Variants in WRNIP1 observed in about 807,000 individuals in gnomAD.
WRNIP1 encodes the protein WRN helicase interacting protein 1, also known as ATPase WRNIP1.
Under a neutral mutation model 56.1 loss-of-function variants are expected in WRNIP1, and 41 were observed. That is an observed-to-expected ratio of 0.73 (90% CI 0.57 to 0.95). The LOEUF is 0.95. WRNIP1 is among the 40% of genes least tolerant of loss of function. WRNIP1 has a pLI of 0.00. For missense variants in WRNIP1, 1,170 were observed against 939.4 expected, an observed-to-expected ratio of 1.25 and a Z score of -3.21; for synonymous variants, 547 against 398.1, an observed-to-expected ratio of 1.37 and a Z score of -4.45.
chr6:2,782,271 G>A (rs1765579135), intron 4 of WRNIP1, among the ~76,000 whole-genome samples: 2 of 152,200 alleles, frequency 1.3e-5, no homozygotes, highest in Non-Finnish European at 1.5e-5. Flanking sequence ...CTTCACCAGG[G>A]GAGCCCTGCA....
Position 2,765,899 on chromosome 6 carries a change from G to A in WRNIP1, c.277G>A (p.Glu93Lys), listed in dbSNP as rs776217068. Residue 93 changes from glutamate to lysine, a missense_variant, in exon 1 of 7, where the codon GAG becomes AAG. Glu to Lys is a moderately conservative substitution (Grantham distance 56, BLOSUM62 1). Transcript: ENST00000380773. ...PATPTAAESS[E>K]GEGEEGDDGG... ...CACCCCGACGGCAGCCGAGAGCAGC[G>A]AGGGCGAGGGTGAGGAGGGCGACGA... The A allele has an allele frequency of 6.9e-7, 1 of 1,455,550 alleles. No homozygotes were observed. Among genetic ancestry groups the A allele is most frequent in the South Asian group, 1.3e-5 (1 of 76,030 alleles). The allele number at this position is 1,455,550 out of a possible 1,614,324, so 90.2% of individuals were successfully genotyped here.
intron 4 of WRNIP1, among the ~76,000 whole-genome samples, chr6:2,780,747 C>T (rs1360256337): frequency 6.6e-6 from 1 of 152,100 alleles, no homozygotes; most frequent in Non-Finnish European, 1.5e-5. Context: ...GCCGGGATCG[C>T]CATTGTTTCT....
At chr6:2,773,138 T>C (rs1208222431) in intron 3 of WRNIP1, 10 of 985,338 alleles carry the variant, frequency 1.0e-5, no homozygotes, top group Non-Finnish European at 1.2e-5. Flanking sequence ...CACAGTATAC[T>C]CATGTAAGTG....
chr6:2,785,011 T>C lies in WRNIP1; in HGVS notation c.1727T>C (p.Leu576Pro). 5.0e-6 allele frequency: 8 copies of C among 1,614,034 alleles called. No homozygotes were observed. Among genetic ancestry groups the C allele is most frequent in the Non-Finnish European group, 4.2e-6 (5 of 1,179,972 alleles). ...HFIGMPECEV[L>P]LAQCVVYFAR... ...TGTCCTCTGTGTCATTGGTAGGTGCTTCTGGCCCAGTGTGTGGTCTACTTT... is the reference window on the plus strand; with the variant it reads ...TGTCCTCTGTGTCATTGGTAGGTGCCTCTGGCCCAGTGTGTGGTCTACTTT... The change falls in exon 7 of 7, where the codon CTT becomes CCT. Residue 576 changes from leucine to proline, a missense_variant. Leu to Pro is a moderately conservative substitution (Grantham distance 98). Coordinates refer to ENST00000380773, the MANE Select transcript of WRNIP1 (RefSeq NM_020135.3).
In WRNIP1 at chr6:2,784,306, T is replaced by C; in HGVS notation, c.1643-18T>C. 1 of 1,610,046 alleles carries C rather than the reference T, an allele frequency of 6.2e-7. No individual in the cohort carries two copies. The highest frequency in any genetic ancestry group is 1.7e-4 in the Middle Eastern group (1 of 5,892). On this transcript the variant is annotated intron_variant, in intron 5 of 6. Coordinates refer to ENST00000380773, the MANE Select transcript of WRNIP1 (RefSeq NM_020135.3). ...GTGTGTCATGACTGAAACTCTCCTT[T>C]GTCTCTGTGTGTGGCAGGTCTGGCA...
intron 5 of WRNIP1, among the ~76,000 whole-genome samples, 178 bp from the exon 6 acceptor site, chr6:2,784,146 A>G (rs1472074847): frequency 1.3e-5 from 2 of 152,198 alleles, no homozygotes; most frequent in African/African-American, 2.4e-5. Flanking sequence ...ACCACTCTCA[A>G]TATTTCTTGC....
intron 3 of WRNIP1, among the ~76,000 whole-genome samples, chr6:2,771,070 A>T (rs62393161): frequency 0.014 from 2,154 of 152,210 alleles, 25 homozygotes; most frequent in Non-Finnish European, 0.023. Flanking sequence ...TATTCTTCAG[A>T]TGGTATTTGT....
chr6:2,766,094 G>A lies in WRNIP1; in HGVS notation c.472G>A (p.Asp158Asn). 1 of 1,316,280 alleles carries A rather than the reference G, an allele frequency of 7.6e-7. No homozygotes were observed. The highest frequency in any genetic ancestry group is 9.6e-7 in the Non-Finnish European group (1 of 1,040,350). The allele number at this position is 1,316,280 out of a possible 1,614,324, so 81.5% of individuals were successfully genotyped here. A position where few individuals can be genotyped will look rare whatever the true frequency, so the allele number is the denominator to read the frequency against. ...AAGSASPRSW[D>N]EAEAQEEEEA... ...GGGGAGCGCGTCTCCGCGCAGCTGG[G>A]ACGAGGCGGAGGCGCAGGAGGAGGA... Residue 158 changes from aspartate to asparagine, a missense_variant, in exon 1 of 7, where the codon GAC becomes AAC. Coordinates refer to ENST00000380773, the MANE Select transcript of WRNIP1 (RefSeq NM_020135.3).
chr6:2,782,961 G>A (rs1022686531), intron 4 of WRNIP1, among the ~76,000 whole-genome samples: 1 of 152,168 alleles, frequency 6.6e-6, no homozygotes, highest in African/African-American at 2.4e-5. Flanking sequence ...AGGAACAGAT[G>A]GGCTATAACA....
chr6:2,779,600 C>CCGGA, intron 4 of WRNIP1, 108 bp downstream of exon 4: 6 of 1,125,130 alleles, frequency 5.3e-6, no homozygotes, highest in Non-Finnish European at 6.3e-6. Flanking sequence ...CAGCTGGGTC[C>CCGGA]AGAGCATTCC....
rs760985556 is a variant in WRNIP1 at position 2,768,784 on chromosome 6, C to T, written c.916C>T (p.Arg306Ter). Reference sequence around the variant, plus strand: ...AACAAATGCCAAGACAAATGATGTGCGAGATGTCATAAAACAAGCTCAAAA... The same window carrying T: ...AACAAATGCCAAGACAAATGATGTGTGAGATGTCATAAAACAAGCTCAAAA... ...SATNAKTNDV[R>*]DVIKQAQNEK... Residue 306 changes from arginine (R) to a stop codon, truncating the protein, a stop_gained, in exon 2 of 7, where the codon CGA becomes TGA. Transcript: ENST00000380773. LOFTEE classifies it high-confidence loss of function. 3 of 1,613,552 alleles carry T rather than the reference C, an allele frequency of 1.9e-6. No individual in the cohort carries two copies. The highest frequency in any genetic ancestry group is 8.5e-7 in the Non-Finnish European group (1 of 1,179,716).
chr6:2,774,233 A>G, intron 3 of WRNIP1: 1 of 985,458 alleles, frequency 1.0e-6, no homozygotes, highest in Non-Finnish European at 1.2e-6. Context: ...CCATAAAAGC[A>G]CCAGCAGCCA....
At chr6:2,782,897 G>A (rs1289794218) in intron 4 of WRNIP1, among the ~76,000 whole-genome samples, 1 of 152,204 alleles carries the variant, frequency 6.6e-6, no homozygotes, top group Non-Finnish European at 1.5e-5. Flanking sequence ...GGCAGAAGGA[G>A]GTTTAAATGA....
intron 3 of WRNIP1, chr6:2,773,642 C>T (rs1049076715): frequency 7.1e-6 from 7 of 985,188 alleles, no homozygotes; most frequent in South Asian, 4.7e-5. Flanking sequence ...ATTCATGATA[C>T]GAAGAATGAG....
chr6:2,779,574 G>A, intron 4 of WRNIP1, 82 bp downstream of exon 4: 3 of 1,425,082 alleles, frequency 2.1e-6, no homozygotes, highest in Non-Finnish European at 2.9e-6. Flanking sequence ...AGCCTGACTG[G>A]GTTCCGGAAG....
chr6:2,767,701 C>T (rs1251438984), intron 1 of WRNIP1, among the ~76,000 whole-genome samples: 1 of 152,230 alleles, frequency 6.6e-6, no homozygotes, highest in Non-Finnish European at 1.5e-5. Flanking sequence ...AATGGATAAT[C>T]AGCTGTTGGT....
chr6:2,785,071 C>T lies in WRNIP1; in HGVS notation c.1787C>T (p.Ala596Val), dbSNP rs1359441223. 1.2e-6 allele frequency: 2 copies of T among 1,614,048 alleles called. No homozygotes were observed. The highest frequency in any genetic ancestry group is 1.3e-5 in the African/African-American group (1 of 74,908). ...RAPKSIEVYS[A>V]YNNVKACLRN... is the part of the protein sequence containing the mutation. ...CCAAAGTCCATTGAGGTGTACAGCG[C>T]CTACAACAACGTCAAAGCCTGCCTG... Residue 596 changes from alanine to valine, a missense_variant, in exon 7 of 7, where the codon GCC becomes GTC. Ala to Val is a moderately conservative substitution (Grantham distance 64). Transcript: ENST00000380773.
intron 1 of WRNIP1, among the ~76,000 whole-genome samples, chr6:2,767,156 G>C (rs1391186823): frequency 1.3e-5 from 2 of 152,198 alleles, no homozygotes; most frequent in Non-Finnish European, 2.9e-5. Flanking sequence ...TTCGTGAGGC[G>C]TTAGCGTTCC....
rs749206583 is a variant in WRNIP1 at position 2,765,705 on chromosome 6, C to T, written c.83C>T (p.Pro28Leu). The T allele has an allele frequency of 1.3e-6, 2 of 1,546,510 alleles. No individual in the cohort carries two copies. The highest frequency in any genetic ancestry group is 2.6e-5 in the East Asian group (1 of 38,130). Residue 28 changes from proline (P) to leucine (L), a missense_variant, in exon 1 of 7, where the codon CCC becomes CTC. Transcript: ENST00000380773. ...TGCCCCGTGTGCCAGCAGATGATGCCCGCCGCGCACATCAACTCGCACCTG... is the reference window on the plus strand; with the variant it reads ...TGCCCCGTGTGCCAGCAGATGATGCTCGCCGCGCACATCAACTCGCACCTG... ...VQCPVCQQMMPAAHINSHLDR... is the reference protein window; with the variant it reads ...VQCPVCQQMMLAAHINSHLDR...
Sources: gnomAD v4.1 joint callset for allele counts (sites outside exome capture counted in the v4.1 genomes callset) on GRCh38, gnomAD v4.1.1 for gene constraint, MANE v1.5 for transcripts, NCBI Gene and HGNC (gene_info 2026-07-23, HGNC 2026-07-21) for gene names.